The following AKAIN1 variants were observed in gnomAD, a reference collection of about 807,000 sequenced individuals.
AKAIN1 encodes the protein A-kinase anchor protein inhibitor 1.
AKAIN1 carries 3 observed loss-of-function variants against 3.7 expected under a neutral mutation model. The observed-to-expected ratio is 0.82, with a 90% CI of 0.37 to 2.12. The LOEUF (loss-of-function observed/expected upper bound fraction) is 2.12, where lower values mean the gene tolerates loss of function less well. AKAIN1 is among the 30% of genes most tolerant of loss of function. The probability of loss-of-function intolerance (pLI) is 0.06; values close to 1 mark genes in which losing one functional copy is unlikely to be tolerated. For missense variants in AKAIN1, 82 were observed against 82.7 expected (o/e 0.99, Z 0.03); for synonymous variants, 31 against 30.8 (o/e 1.01, Z -0.02).
chr18:5,159,987 C>T (rs988679542), intron 1 of AKAIN1, among the ~76,000 whole-genome samples: 2 of 152,180 alleles, frequency 1.3e-5, no homozygotes, highest in African/African-American at 2.4e-5. Flanking sequence ...GAATAGACCA[C>T]AATGTTTCCA....
At chr18:5,155,828 T>G (rs1598306069) in intron 1 of AKAIN1, among the ~76,000 whole-genome samples, 1 of 152,176 alleles carries the variant, frequency 6.6e-6, no homozygotes, top group Non-Finnish European at 1.5e-5. Flanking sequence ...ATACTTTCTT[T>G]CCCACTGCAG....
At chr18:5,196,910 G>C (rs1465301813) in intron 1 of AKAIN1, 128 bp downstream of exon 1, 7 of 866,650 alleles carry the variant, frequency 8.1e-6, no homozygotes, top group Admixed American at 6.3e-5. Flanking sequence ...TCCGCCCCAT[G>C]AGCACAGACA....
In AKAIN1 at chr18:5,143,233, TG is replaced by T. The variant is rs2071030929; in HGVS notation, c.*2328del. On this transcript the variant is annotated 3_prime_UTR_variant, in exon 2 of 2. Coordinates refer to ENST00000434239, the MANE Select transcript of AKAIN1 (RefSeq NM_001145194.2). The stretch of plus-strand genomic sequence containing the variant: ...AACTTTTTCTTCATACTGAAAGATC[TG>T]TAAAAGTTTATAGGTCTTTAACTCG... 6.6e-6 allele frequency among the ~76,000 whole-genome samples: 1 copy of T among 152,244 alleles called. No individual in the cohort carries two copies. Among genetic ancestry groups the T allele is most frequent in the South Asian group, 2.1e-4 (1 of 4,832 alleles).
chr18:5,158,717 G>T (rs2071122067), intron 1 of AKAIN1, among the ~76,000 whole-genome samples: 1 of 152,116 alleles, frequency 6.6e-6, no homozygotes, highest in Non-Finnish European at 1.5e-5. Context: ...TAAACTTCCT[G>T]AACCCTGCAC....
At chr18:5,162,622 ATGCG>A (rs1284848514) in intron 1 of AKAIN1, among the ~76,000 whole-genome samples, 1 of 106,768 alleles carries the variant, frequency 9.4e-6, no homozygotes, top group Non-Finnish European at 1.9e-5. Flanking sequence ...GTTCAATGTG[ATGCG>A]TGTGTGTGTG....
chr18:5,197,173 G>C lies in AKAIN1; in HGVS notation c.-120C>G. 6.6e-6 allele frequency: 10 copies of C among 1,509,274 alleles called. No individual in the cohort carries two copies. Among genetic ancestry groups the C allele is most frequent in the Non-Finnish European group, 8.8e-6 (10 of 1,132,564 alleles). The allele number at this position is 1,509,274 out of a possible 1,614,324, so 93.5% of individuals were successfully genotyped here. On this transcript the variant is annotated 5_prime_UTR_variant, in exon 1 of 2. Transcript: ENST00000434239. This position sits in a 1 kb window ranked among gnomAD's most constrained non-coding sequence, Gnocchi z 6.9. ...AGGGCGCGCTGGGCGGGCGGCGGGC[G>C]GGGCGGTCAGCACCCCGGACAGCTC... is the stretch of plus-strand genomic sequence containing the variant.
intron 1 of AKAIN1, among the ~76,000 whole-genome samples, chr18:5,174,700 T>A (rs139391581): frequency 6.8e-4 from 103 of 152,052 alleles, no homozygotes; most frequent in African/African-American, 2.4e-3. Flanking sequence ...GAGACTAGGC[T>A]ACTCCTCTCC....
At chr18:5,177,089 C>T in intron 1 of AKAIN1, among the ~76,000 whole-genome samples, 1 of 152,074 alleles carries the variant, frequency 6.6e-6, no homozygotes, top group South Asian at 2.1e-4. Flanking sequence ...AGTAAGATTG[C>T]TCATTAAAAT....
intron 1 of AKAIN1, among the ~76,000 whole-genome samples, chr18:5,158,910 C>T (rs930287453): frequency 6.6e-6 from 1 of 152,174 alleles, no homozygotes; most frequent in African/African-American, 2.4e-5. Flanking sequence ...GTGAAAACAT[C>T]TGATTAATTT....
intron 1 of AKAIN1, chr18:5,163,922 A>C (rs1448616852): frequency 6.6e-6 from 1 of 152,096 alleles, no homozygotes; most frequent in Non-Finnish European, 1.5e-5. Flanking sequence ...TGGTATACTT[A>C]TGTGCATCAC....
At chr18:5,146,349 A>G (rs2071049201) in intron 1 of AKAIN1, among the ~76,000 whole-genome samples, 1 of 152,222 alleles carries the variant, frequency 6.6e-6, no homozygotes, top group Non-Finnish European at 1.5e-5. Flanking sequence ...AGAAAGAAGC[A>G]GACTAATTTT....
At chr18:5,190,071 C>G (rs1015974436) in intron 1 of AKAIN1, among the ~76,000 whole-genome samples, 2 of 152,108 alleles carry the variant, frequency 1.3e-5, no homozygotes, top group Non-Finnish European at 2.9e-5. Flanking sequence ...GCAAGGGTCA[C>G]CCCATGGTGG....
In AKAIN1 at chr18:5,188,751, C is replaced by T. The variant is rs545575455; in HGVS notation, c.16+8287G>A. Among the ~76,000 whole-genome samples the T allele has an allele frequency of 5.9e-5, 9 of 152,194 alleles. No individual in the cohort carries two copies. The East Asian group carries it at 1.2e-3, about 20-fold the overall frequency. On this transcript the variant is annotated intron_variant, in intron 1 of 1. Transcript: ENST00000434239. The stretch of plus-strand genomic sequence containing the variant: ...GGCAAAATTAACCAGCAAACAACCC[C>T]GGGATGTGGCCATACCAAAGAACTC...
intron 1 of AKAIN1, among the ~76,000 whole-genome samples, chr18:5,190,943 A>G (rs888005644): frequency 1.3e-5 from 2 of 151,978 alleles, no homozygotes. Context: ...CAATATGTAA[A>G]TTGGTGATGA....
chr18:5,174,772 T>A (rs111858242), intron 1 of AKAIN1, among the ~76,000 whole-genome samples: 5 of 151,708 alleles, frequency 3.3e-5, no homozygotes, highest in Non-Finnish European at 5.9e-5. Context: ...TTGTCTCAGA[T>A]GGAGTGATCG....
chr18:5,169,731 T>A (rs942203692), intron 1 of AKAIN1, among the ~76,000 whole-genome samples: 1 of 152,108 alleles, frequency 6.6e-6, no homozygotes, highest in Non-Finnish European at 1.5e-5. Flanking sequence ...TTTTAGAAAA[T>A]CTAGATAAAC....
intron 1 of AKAIN1, among the ~76,000 whole-genome samples, chr18:5,176,255 A>G (rs892460300): frequency 6.6e-6 from 1 of 152,248 alleles, no homozygotes; most frequent in African/African-American, 2.4e-5. Flanking sequence ...GCTGGCCAAT[A>G]TGGTGAAACC....
At chr18:5,159,055 T>C (rs911376845) in intron 1 of AKAIN1, among the ~76,000 whole-genome samples, 3 of 151,778 alleles carry the variant, frequency 2.0e-5, no homozygotes, top group Non-Finnish European at 2.9e-5. Context: ...ATCTTTTTTT[T>C]TTATAACCAT....
chr18:5,151,245 A>T (rs1296341769), intron 1 of AKAIN1, among the ~76,000 whole-genome samples: 2 of 152,216 alleles, frequency 1.3e-5, no homozygotes, highest in African/African-American at 4.8e-5. Flanking sequence ...ATCAATGATG[A>T]GCACATGGAA....
Sources: gnomAD v4.1 joint callset for allele counts (sites outside exome capture counted in the v4.1 genomes callset) on GRCh38, gnomAD v4.1.1 for gene constraint, Gnocchi (gnomAD v3.1) non-coding constraint, MANE v1.5 for transcripts, NCBI Gene and HGNC (gene_info 2026-07-23, HGNC 2026-07-21) for gene names.